Variants in TNNT3 observed in about 807,000 individuals in gnomAD.
TNNT3 encodes the protein troponin T3, fast skeletal type, also known as troponin T, fast skeletal muscle.
Under a neutral mutation model 54.2 loss-of-function variants are expected in TNNT3, and 36 were observed. The observed-to-expected ratio is 0.66, with a 90% CI of 0.51 to 0.88. The LOEUF (loss-of-function observed/expected upper bound fraction) is 0.88. Among genes scored for constraint, TNNT3 ranks in the 40% least tolerant of loss-of-function variants. The pLI, the probability that TNNT3 is intolerant of heterozygous loss-of-function variation, is 0.00. For synonymous variants in TNNT3, 120 were observed against 109.7 expected (o/e 1.09, Z -0.59); for missense variants, 291 against 331.6 (o/e 0.88, Z 0.95).
In TNNT3 at chr11:1,936,928, G is replaced by A. The variant is rs759967147; in HGVS notation, c.682-35G>A. 1.9e-6 allele frequency: 3 copies of A among 1,589,520 alleles called. No homozygotes were observed. In the African/African-American group the frequency reaches 4.0e-5, roughly 21 times the overall value. ...CCCAGTACACGCAGGCCTGGCCCTC[G>A]GGTCGTCGCAGTGAGTCACTCATGT... On this transcript the variant is annotated intron_variant, in intron 14 of 15. Coordinates refer to ENST00000278317, the MANE Select transcript of TNNT3 (RefSeq NM_006757.4).
chr11:1,932,716 CCTT>C (rs1196604342), intron 9 of TNNT3, among the ~76,000 whole-genome samples: 1 of 152,064 alleles, frequency 6.6e-6, no homozygotes, highest in Non-Finnish European at 1.5e-5. Flanking sequence ...CTCCATCTAT[CCTT>C]CTATCCATCC....
In TNNT3 at chr11:1,923,412, C is replaced by A. The variant is rs553122484; in HGVS notation, c.32-143C>A. 51 of 930,800 alleles carry A rather than the reference C, an allele frequency of 5.5e-5. 1 individual carries two copies. Among genetic ancestry groups the A allele is most frequent in the Non-Finnish European group, 9.1e-5 (51 of 563,062 alleles). The allele number at this position is 930,800 out of a possible 1,614,324, so 57.7% of individuals were successfully genotyped here. ...CCTTCCCCAGCGCCTCCTCAGGGCC[C>A]GAGGACCCCTGATTCCACGCTCTTG... On this transcript the variant is annotated intron_variant, in intron 3 of 15. Coordinates refer to ENST00000278317, the MANE Select transcript of TNNT3 (RefSeq NM_006757.4).
At chr11:1,933,680 G>A (rs201892305) in intron 9 of TNNT3, 41 bp from the exon 10 acceptor site, 2 of 1,529,596 alleles carry the variant, frequency 1.3e-6, no homozygotes, top group East Asian at 4.5e-5. Context: ...GCAGAGGTTG[G>A]AGAGAGGGGT....
At chr11:1,936,086 G>A (rs921488619) in intron 14 of TNNT3, 70 of 995,672 alleles carry the variant, frequency 7.0e-5, no homozygotes, top group South Asian at 4.6e-4. Flanking sequence ...GCTTTGGATA[G>A]ATGCGGCCAC....
chr11:1,935,745 G>A lies in TNNT3; in HGVS notation c.681+826G>A, dbSNP rs576323432. On this transcript the variant is annotated intron_variant, in intron 14 of 15. Transcript: ENST00000278317. ...CTCCAGCACCGCCAGAGGCCCCAGG[G>A]GAGGGCGGCTGTGCCCACGGGGCTT... Among the ~76,000 whole-genome samples the A allele has an allele frequency of 2.0e-5, 3 of 152,186 alleles. No homozygotes were observed. In the East Asian group the frequency reaches 5.8e-4, roughly 30 times the overall value.
chr11:1,926,815 C>A lies in TNNT3; in HGVS notation c.82+106C>A, dbSNP rs1851747727. The A allele has an allele frequency of 5.4e-6, 8 of 1,474,550 alleles. 1 individual carries two copies. The South Asian group carries it at 7.9e-5, about 15-fold the overall frequency. 91.3% of individuals were successfully genotyped at this position (1,474,550 alleles called of 1,614,324 possible). On this transcript the variant is annotated intron_variant, in intron 6 of 15. Transcript: ENST00000278317. ...CCCTTGTGACGTTTGCCACCAACAA[C>A]TGAACCCGTTCTGGCCTCTGGGCTG...
At chr11:1,926,079 C>T (rs891567606) in intron 5 of TNNT3, among the ~76,000 whole-genome samples, 5 of 152,282 alleles carry the variant, frequency 3.3e-5, no homozygotes, top group East Asian at 1.9e-4. Context: ...GCTACAACCT[C>T]GCACGTGGGC....
At chr11:1,922,915 C>A in intron 2 of TNNT3, 24 bp downstream of exon 2, 1 of 1,613,798 alleles carries the variant, frequency 6.2e-7, no homozygotes, top group Non-Finnish European at 8.5e-7. Context: ...TGGTGGCTGC[C>A]CCCTGCCTGG....
intron 5 of TNNT3, chr11:1,926,335 C>G: frequency 9.1e-7 from 1 of 1,102,764 alleles, no homozygotes; most frequent in South Asian, 1.2e-5. Flanking sequence ...CTGACCGTGT[C>G]TTGCTCGCTC....
chr11:1,933,884 G>A (rs369983877), intron 10 of TNNT3, 47 bp downstream of exon 10: 62 of 1,612,414 alleles, frequency 3.8e-5, no homozygotes, highest in Middle Eastern at 1.7e-4. Context: ...GGACTCCCTC[G>A]GAGGAGCCGG....
rs1049172873 is a variant in TNNT3, at chr11:1,933,992, G to A, written c.350G>A (p.Arg117His). The change falls in exon 11 of 16, where the codon CGC (arginine) becomes CAC (histidine). Residue 117 changes from arginine (R) to histidine (H), a missense_variant. Arg to His is a conservative substitution (Grantham distance 29). Transcript: ENST00000278317. ...QRIRAEKERE[R>H]QNRLAEEKAR... ...ATTCGTGCAGAGAAGGAGAGGGAGC[G>A]CCAGAACAGACTGGCGGTGAGGGCA... The A allele has an allele frequency of 1.9e-5, 31 of 1,612,398 alleles. No homozygotes were observed. Among genetic ancestry groups the A allele is most frequent in the Non-Finnish European group, 2.5e-5 (30 of 1,179,872 alleles).
chr11:1,934,069 CA>C lies in TNNT3; in HGVS notation c.366+62del, dbSNP rs1294811171. The C allele has an allele frequency of 2.6e-6, 4 of 1,537,100 alleles. No individual in the cohort carries two copies. In the African/African-American group the frequency reaches 4.1e-5, roughly 16 times the overall value. ...AATGAGCCCCAGGCCCAGAGAAATGCAGGGGGCTGAGGCCTTCCTTCTCCCG... is the reference window on the plus strand; with the variant it reads ...AATGAGCCCCAGGCCCAGAGAAATGCGGGGGCTGAGGCCTTCCTTCTCCCG... On this transcript the variant is annotated intron_variant, in intron 11 of 15. Transcript: ENST00000278317.
At chr11:1,934,281 A>G in intron 11 of TNNT3, 51 bp from the exon 12 acceptor site, 1 of 1,553,096 alleles carries the variant, frequency 6.4e-7, no homozygotes, top group Non-Finnish European at 8.9e-7. Flanking sequence ...CTGCCCAGAA[A>G]GCATAGCCCT....
chr11:1,926,411 C>T, intron 5 of TNNT3: 3 of 1,610,282 alleles, frequency 1.9e-6, no homozygotes, highest in Middle Eastern at 1.7e-4. Context: ...GGACGCTTCT[C>T]CATTGACCTC....
At chr11:1,932,335 G>T in intron 8 of TNNT3, 134 bp from the exon 9 acceptor site, 1 of 826,546 alleles carries the variant, frequency 1.2e-6, no homozygotes. Flanking sequence ...CGTGTCACTA[G>T]GCGGGCATGC....
intron 8 of TNNT3, among the ~76,000 whole-genome samples, chr11:1,930,303 T>C (rs1260620060): frequency 2.6e-5 from 4 of 152,102 alleles, no homozygotes; most frequent in Admixed American, 6.5e-5. Context: ...CCCGCCATAC[T>C]TCTAGGACTC....
chr11:1,923,139 C>T, intron 3 of TNNT3, 78 bp downstream of exon 3: 1 of 1,584,720 alleles, frequency 6.3e-7, no homozygotes, highest in Non-Finnish European at 8.7e-7. Context: ...CTGGACTGTG[C>T]ATACCCTGTG....
rs540848660 is a variant in TNNT3 at position 1,922,363 on chromosome 11, G to C, written c.-18-494G>C. On this transcript the variant is annotated intron_variant, in intron 1 of 15. Transcript: ENST00000278317. ...GGGTGAGCAGATTACTCATCTTGGG[G>C]AGCCAGTCTCGGTCATCCAGGGGCT... 1.2e-3 allele frequency among the ~76,000 whole-genome samples: 181 copies of C among 152,176 alleles called. 1 individual carries two copies. The highest frequency in any genetic ancestry group is 3.4e-3 in the Middle Eastern group (1 of 294).
chr11:1,929,255 C>G lies in TNNT3; in HGVS notation c.106+112C>G, dbSNP rs1852571537. 3.0e-6 allele frequency: 4 copies of G among 1,340,426 alleles called. No homozygotes were observed. The South Asian group carries it at 4.7e-5, about 16-fold the overall frequency. The allele number at this position is 1,340,426 out of a possible 1,614,324, so 83.0% of individuals were successfully genotyped here. ...CCCTGCCTCCTCCTCCCTCTGTCCTCTTTCTCTTCCCCTGGCACGGGGGCC... is the reference window on the plus strand; with the variant it reads ...CCCTGCCTCCTCCTCCCTCTGTCCTGTTTCTCTTCCCCTGGCACGGGGGCC... On this transcript the variant is annotated intron_variant, in intron 7 of 15. Coordinates refer to ENST00000278317, the MANE Select transcript of TNNT3 (RefSeq NM_006757.4).
Sources: gnomAD v4.1 joint callset for allele counts (sites outside exome capture counted in the v4.1 genomes callset) on GRCh38, gnomAD v4.1.1 for gene constraint, MANE v1.5 for transcripts, NCBI Gene and HGNC (gene_info 2026-07-23, HGNC 2026-07-21) for gene names.